Variants in LRRC7 observed in about 807,000 individuals in gnomAD.
The protein encoded by LRRC7 is leucine-rich repeat-containing protein 7.
A neutral mutation model predicts 175.7 loss-of-function variants in LRRC7; 23 were observed. The observed-to-expected ratio is 0.13, with a 90% CI of 0.09 to 0.19. LRRC7 has a LOEUF of 0.19. Ranked by LOEUF, LRRC7 falls within the 10% of genes least tolerant of loss-of-function variation. LRRC7 has a pLI of 1.00. For missense variants in LRRC7, 1,354 were observed against 1,904.7 expected (o/e 0.71, Z 5.38); for synonymous variants, 685 against 680.9 (o/e 1.01, Z -0.09).
At chr1:69,873,009 A>G (rs1685703310) in intron 7 of LRRC7, among the ~76,000 whole-genome samples, 1 of 152,136 alleles carries the variant, frequency 6.6e-6, no homozygotes, top group African/African-American at 2.4e-5. Context: ...TGTAGGGGAC[A>G]TTAAAATTCA....
chr1:70,042,014 A>C lies in LRRC7; in HGVS notation c.3970-1940A>C, dbSNP rs142744318. 9.6e-3 allele frequency among the ~76,000 whole-genome samples: 1,465 copies of C among 152,332 alleles called. 12 individuals are homozygous for C. Among genetic ancestry groups the C allele is most frequent in the Middle Eastern group, 0.024 (7 of 294 alleles). ...CTTCATATAACCTCTGTTTGTGTAC[A>C]GTTCCCTAGGTGTCTTTCATTTTTC... is the stretch of plus-strand genomic sequence containing the variant. On this transcript the variant is annotated intron_variant, in intron 21 of 26. Transcript: ENST00000651989.
At chr1:69,608,139 T>C (rs1445270277) in intron 1 of LRRC7, 1 of 152,672 alleles carries the variant, frequency 6.5e-6, no homozygotes, top group Non-Finnish European at 1.5e-5. Context: ...CATTCCATTG[T>C]TGTCCAGCTA....
intron 2 of LRRC7, among the ~76,000 whole-genome samples, chr1:69,727,988 C>G (rs1489013636): frequency 6.6e-6 from 1 of 152,074 alleles, no homozygotes; most frequent in Non-Finnish European, 1.5e-5. Flanking sequence ...TTTTTATCAC[C>G]CTGTGTCTTT....
intron 1 of LRRC7, among the ~76,000 whole-genome samples, chr1:69,643,399 T>C (rs1422774716): frequency 6.6e-6 from 1 of 152,106 alleles, no homozygotes; most frequent in Non-Finnish European, 1.5e-5. Context: ...TACAAATGTG[T>C]ATCTGCAGAA....
At chr1:69,865,866 C>T (rs532491562) in intron 7 of LRRC7, among the ~76,000 whole-genome samples, 7 of 152,220 alleles carry the variant, frequency 4.6e-5, no homozygotes, top group African/African-American at 1.4e-4. Flanking sequence ...GCCAGGATAA[C>T]CTCAGATTCA....
At chr1:69,724,299 A>G (rs992461) in intron 2 of LRRC7, among the ~76,000 whole-genome samples, 66,658 of 151,938 alleles carry the variant, frequency 0.44, 14,888 homozygotes, top group Admixed American at 0.5. Flanking sequence ...CCAAGATCAC[A>G]CCACTGCACT....
chr1:70,094,631 G>A (rs1664260175), intron 25 of LRRC7, among the ~76,000 whole-genome samples: 1 of 152,154 alleles, frequency 6.6e-6, no homozygotes, highest in Non-Finnish European at 1.5e-5. Flanking sequence ...GTTTTTGTGT[G>A]GATATGGATA....
At chr1:69,638,818 C>T (rs1269516190) in intron 1 of LRRC7, among the ~76,000 whole-genome samples, 2 of 151,716 alleles carry the variant, frequency 1.3e-5, no homozygotes, top group East Asian at 3.9e-4. Flanking sequence ...TGAATCACCA[C>T]TTGACGAATT....
chr1:70,036,679 T>A, intron 20 of LRRC7, 55 bp downstream of exon 20: 1 of 1,522,526 alleles, frequency 6.6e-7, no homozygotes, highest in Admixed American at 2.1e-5. Context: ...AGCAACTTTT[T>A]AAAAAATGGA....
At chr1:69,945,659 A>G (rs1473352044) in intron 8 of LRRC7, among the ~76,000 whole-genome samples, 1 of 152,004 alleles carries the variant, frequency 6.6e-6, no homozygotes, top group East Asian at 1.9e-4. Flanking sequence ...ACTTATTTCT[A>G]TCTTCTTCAA....
At chr1:69,638,086 G>A (rs1006393776) in intron 1 of LRRC7, among the ~76,000 whole-genome samples, 1 of 151,778 alleles carries the variant, frequency 6.6e-6, no homozygotes, top group African/African-American at 2.4e-5. Flanking sequence ...TCTTTCAGAA[G>A]CAAATATTTC....
In LRRC7 at chr1:70,018,841, T is replaced by C. The variant is rs769669096; in HGVS notation, c.1420+23T>C. 5 of 1,543,388 alleles carry C rather than the reference T, an allele frequency of 3.2e-6. No individual in the cohort carries two copies. In the South Asian group the frequency reaches 3.4e-5, roughly 10 times the overall value. On this transcript the variant is annotated intron_variant, in intron 15 of 26. Coordinates refer to ENST00000651989, the MANE Select transcript of LRRC7 (RefSeq NM_001370785.2). ...AAGGTAAATTGTCAGTAGAAATTTC[T>C]TCTCTACTTATAATGATTATGGATA...
At chr1:69,914,509 T>C (rs1252151590) in intron 7 of LRRC7, among the ~76,000 whole-genome samples, 1 of 152,136 alleles carries the variant, frequency 6.6e-6, no homozygotes, top group Non-Finnish European at 1.5e-5. Context: ...TAAGAGCAAA[T>C]GTCTCTGGAT....
intron 2 of LRRC7, among the ~76,000 whole-genome samples, chr1:69,705,796 G>C (rs1324351447): frequency 6.6e-6 from 1 of 152,056 alleles, no homozygotes; most frequent in Non-Finnish European, 1.5e-5. Context: ...CAGGCCCCTA[G>C]ACTCTGATTT....
chr1:69,942,410 T>G (rs1215467129), intron 8 of LRRC7, among the ~76,000 whole-genome samples: 7 of 152,102 alleles, frequency 4.6e-5, no homozygotes, highest in African/African-American at 1.7e-4. Flanking sequence ...TATATACCTG[T>G]GTTACTTTTC....
At chr1:70,086,138 T>C (rs1311313810) in intron 24 of LRRC7, among the ~76,000 whole-genome samples, 2 of 151,870 alleles carry the variant, frequency 1.3e-5, no homozygotes, top group Non-Finnish European at 2.9e-5. Flanking sequence ...TATTTACTTA[T>C]TTATTTATTT....
intron 23 of LRRC7, among the ~76,000 whole-genome samples, chr1:70,063,777 A>G (rs1197939010): frequency 6.6e-6 from 1 of 151,902 alleles, no homozygotes; most frequent in Non-Finnish European, 1.5e-5. Context: ...AAAAGTGTAG[A>G]CTCATCCTCA....
intron 18 of LRRC7, among the ~76,000 whole-genome samples, chr1:70,034,703 G>A (rs1659123173): frequency 6.6e-6 from 1 of 152,204 alleles, no homozygotes; most frequent in Non-Finnish European, 1.5e-5. Context: ...CTAATCATCT[G>A]TGTAACCTAG....
chr1:70,107,842 G>C lies in LRRC7; in HGVS notation c.4620+16G>C. 3.8e-6 allele frequency: 6 copies of C among 1,597,274 alleles called. No homozygotes were observed. The highest frequency in any genetic ancestry group is 5.1e-6 in the Non-Finnish European group (6 of 1,166,136). On this transcript the variant is annotated intron_variant, in intron 26 of 26. Transcript: ENST00000651989. Reference sequence around the variant, plus strand: ...GATCCTTCAGGTAAGACAGATAAAAGAAATGCATGCAAATGCCATACTGAG... The same window carrying C: ...GATCCTTCAGGTAAGACAGATAAAACAAATGCATGCAAATGCCATACTGAG...
Sources: gnomAD v4.1 joint callset for allele counts (sites outside exome capture counted in the v4.1 genomes callset) on GRCh38, gnomAD v4.1.1 for gene constraint, MANE v1.5 for transcripts, NCBI Gene and HGNC (gene_info 2026-07-23, HGNC 2026-07-21) for gene names.